The following CELF1 variants were observed in gnomAD, a reference collection of about 807,000 sequenced individuals.
CELF1 encodes 50 kDa nuclear polyadenylated RNA-binding protein.
In CELF1, 10 loss-of-function variants were observed where a neutral mutation model predicts 61.8. That is an observed-to-expected ratio of 0.16 (90% confidence interval 0.10 to 0.27). The LOEUF is 0.27. Among genes scored for constraint, CELF1 ranks in the 10% least tolerant of loss-of-function variants. The pLI is 1.00. For synonymous variants in CELF1, 236 were observed against 225.1 expected (o/e 1.05, Z -0.43); for missense variants, 380 against 639.1 (o/e 0.59, Z 4.37).
intron 4 of CELF1, among the ~76,000 whole-genome samples, 164 bp from the exon 5 acceptor site, chr11:47,487,405 GA>G (rs2088116860): frequency 6.6e-6 from 1 of 152,180 alleles, no homozygotes; most frequent in Admixed American, 6.5e-5. Context: ...TCTAGCAGAG[GA>G]ATAAGAGATT....
chr11:47,493,535 A>AG (rs2092380978), intron 3 of CELF1, among the ~76,000 whole-genome samples: 2 of 144,052 alleles, frequency 1.4e-5, no homozygotes, highest in African/African-American at 2.5e-5. Flanking sequence ...AAAAAAAAAA[A>AG]GGGCGTGCAC....
chr11:47,555,143 G>T (rs970692064), upstream of CELF1, among the ~76,000 whole-genome samples: 1 of 152,140 alleles, frequency 6.6e-6, no homozygotes. Context: ...TTGACTTACT[G>T]AATAGGTATA....
At chr11:47,509,259 G>C (rs914963256) in intron 1 of CELF1, among the ~76,000 whole-genome samples, 1 of 152,184 alleles carries the variant, frequency 6.6e-6, no homozygotes. Context: ...CATGCTCTGT[G>C]AGAAAGCCTG....
chr11:47,533,831 A>AAAAG (rs1491545271), intron 1 of CELF1, among the ~76,000 whole-genome samples: 36 of 140,920 alleles, frequency 2.6e-4, no homozygotes, highest in Admixed American at 5.0e-4. Flanking sequence ...AAAAAAAAAA[A>AAAAG]GGAATATTTA....
In CELF1 at chr11:47,492,118, C is replaced by T. The variant is rs148610065; in HGVS notation, c.72-3094G>A. On this transcript the variant is annotated intron_variant, in intron 3 of 14. Coordinates refer to ENST00000687097, the MANE Select transcript of CELF1 (RefSeq NM_001376376.1). ...TCAGCAATCCCAGTAGATGGAACTACGGGTGTGCGCCACCACATCTGGCTA... is the reference window on the plus strand; with the variant it reads ...TCAGCAATCCCAGTAGATGGAACTATGGGTGTGCGCCACCACATCTGGCTA... Among the ~76,000 whole-genome samples the T allele has an allele frequency of 3.5e-3, 538 of 152,198 alleles. 1 individual carries two copies. The highest frequency in any genetic ancestry group is 5.3e-3 in the Non-Finnish European group (360 of 68,010).
At chr11:47,526,822 C>T (rs191043593) in intron 1 of CELF1, among the ~76,000 whole-genome samples, 97 of 151,890 alleles carry the variant, frequency 6.4e-4, no homozygotes, top group Non-Finnish European at 4.1e-4. Context: ...TGCAATCCCA[C>T]GATGGATCAC....
chr11:47,489,059 T>C (rs756434639), intron 3 of CELF1, 35 bp from the exon 4 acceptor site: 12 of 1,444,744 alleles, frequency 8.3e-6, no homozygotes, highest in Non-Finnish European at 1.1e-5. Flanking sequence ...TATTATGTAA[T>C]AATGTTGCTT....
chr11:47,489,101 T>A, intron 3 of CELF1, 77 bp from the exon 4 acceptor site: 1 of 1,246,168 alleles, frequency 8.0e-7, no homozygotes, highest in Non-Finnish European at 1.1e-6. Context: ...TTTAATGATC[T>A]TAACTAGTTC....
intron 2 of CELF1, among the ~76,000 whole-genome samples, chr11:47,558,808 AATATATATATTGCAGCCAAT>A (rs2097216811): frequency 8.0e-6 from 1 of 124,726 alleles, no homozygotes; most frequent in South Asian, 2.2e-4. Context: ...TGCAGCCAAT[AATATATATATTGCAGCCAAT>A]ATATATTGCA....
At chr11:47,541,947 C>T (rs921068973) in intron 1 of CELF1, among the ~76,000 whole-genome samples, 4 of 151,932 alleles carry the variant, frequency 2.6e-5, no homozygotes, top group South Asian at 4.2e-4. Context: ...ACATTCCCCC[C>T]CAAAACACAG....
At chr11:47,531,447 T>C (rs1439983134) in intron 1 of CELF1, among the ~76,000 whole-genome samples, 1 of 152,000 alleles carries the variant, frequency 6.6e-6, no homozygotes, top group Non-Finnish European at 1.5e-5. Context: ...CACTCGCCTA[T>C]AGTCTCAGCT....
At chr11:47,505,598 G>A (rs2094420006) in intron 1 of CELF1, among the ~76,000 whole-genome samples, 1 of 148,976 alleles carries the variant, frequency 6.7e-6, no homozygotes, top group Non-Finnish European at 1.5e-5. Flanking sequence ...AGCCGAGATC[G>A]TGCCACTGTA....
chr11:47,562,364 A>G (rs1371526734), intron 2 of CELF1, among the ~76,000 whole-genome samples: 3 of 151,662 alleles, frequency 2.0e-5, no homozygotes, highest in Non-Finnish European at 4.4e-5. Flanking sequence ...TGTCTCTACC[A>G]AAAATACAAA....
At chr11:47,487,322 A>T (rs2088016442) in intron 4 of CELF1, 81 bp from the exon 5 acceptor site, 1 of 1,015,560 alleles carries the variant, frequency 9.8e-7, no homozygotes, top group Non-Finnish European at 1.5e-6. Context: ...CTGACAGATC[A>T]GATCTTAAAA....
At chr11:47,483,571 T>G (rs370094011) in intron 7 of CELF1, 39 bp from the exon 8 acceptor site, 7 of 1,493,410 alleles carry the variant, frequency 4.7e-6, no homozygotes, top group Admixed American at 1.7e-5. Flanking sequence ...CATTCATTTA[T>G]TTCTCTGACA....
intron 2 of CELF1, among the ~76,000 whole-genome samples, chr11:47,561,913 C>T (rs1407884433): frequency 6.6e-6 from 1 of 151,782 alleles, no homozygotes; most frequent in Non-Finnish European, 1.5e-5. Context: ...CAGGTATCAA[C>T]ACACAAGTGA....
intron 1 of CELF1, among the ~76,000 whole-genome samples, chr11:47,505,993 C>G (rs1034552420): frequency 6.7e-6 from 1 of 149,810 alleles, no homozygotes; most frequent in Non-Finnish European, 1.5e-5. Context: ...GGTATTAGTA[C>G]GTGCATGGAA....
intron 1 of CELF1, among the ~76,000 whole-genome samples, chr11:47,544,009 C>A (rs2096872802): frequency 6.6e-6 from 1 of 152,162 alleles, no homozygotes; most frequent in Non-Finnish European, 1.5e-5. Flanking sequence ...AGTAGACTCT[C>A]AAAGTAGAAA....
chr11:47,536,718 A>C (rs1294260623), intron 1 of CELF1, among the ~76,000 whole-genome samples: 1 of 152,216 alleles, frequency 6.6e-6, no homozygotes, highest in Non-Finnish European at 1.5e-5. Flanking sequence ...AGAACACACC[A>C]CTGCACTCCA....
Sources: allele counts gnomAD v4.1 joint callset (sites outside exome capture counted in the v4.1 genomes callset), GRCh38; gene constraint gnomAD v4.1.1; transcripts MANE v1.5; gene names NCBI Gene and HGNC (gene_info 2026-07-23, HGNC 2026-07-21).